EML6: variants seen among roughly 807,000 people sequenced by gnomAD.
The protein encoded by EML6 is echinoderm microtubule-associated protein-like 6.
In EML6, 154 loss-of-function variants were observed where a neutral mutation model predicts 240.1. The observed-to-expected ratio is 0.64, with a 90% CI of 0.56 to 0.73. The LOEUF is 0.73. Among genes scored for constraint, EML6 ranks in the 30% least tolerant of loss-of-function variants. The probability of loss-of-function intolerance (pLI) is 0.00; values close to 1 mark genes in which losing one functional copy is unlikely to be tolerated. For synonymous variants in EML6, 1,148 were observed against 899.0 expected, an observed-to-expected ratio of 1.28 and a Z score of -4.95; for missense variants, 2,964 against 2,474.6, an observed-to-expected ratio of 1.20 and a Z score of -4.20.
At chr2:54,917,358 GTTTT>G (rs147785699) in intron 26 of EML6, among the ~76,000 whole-genome samples, 1 of 123,818 alleles carries the variant, frequency 8.1e-6, no homozygotes, top group Non-Finnish European at 1.6e-5. Context: ...TTTTTTTTTT[GTTTT>G]TTTTTTTTTT....
intron 2 of EML6, among the ~76,000 whole-genome samples, chr2:54,784,002 A>T (rs556023362): frequency 5.4e-4 from 82 of 152,092 alleles, no homozygotes; most frequent in Admixed American, 1.6e-3. Context: ...AGGCTGGAGT[A>T]CAGTCGTGAT....
chr2:54,758,053 A>G (rs1190139170), intron 2 of EML6, among the ~76,000 whole-genome samples: 1 of 152,122 alleles, frequency 6.6e-6, no homozygotes, highest in Non-Finnish European at 1.5e-5. Context: ...TTTGAATGCC[A>G]GTCACCGTAA....
intron 2 of EML6, among the ~76,000 whole-genome samples, chr2:54,764,020 C>A (rs1359592376): frequency 6.6e-6 from 1 of 152,208 alleles, no homozygotes; most frequent in Non-Finnish European, 1.5e-5. Flanking sequence ...GGCCTCTGGC[C>A]TTTTCCCTCG....
chr2:54,784,600 T>A (rs544718928), intron 2 of EML6, among the ~76,000 whole-genome samples: 2 of 152,316 alleles, frequency 1.3e-5, no homozygotes, highest in South Asian at 4.1e-4. Context: ...AAAACTTAAC[T>A]ACTAATAGCA....
At chr2:54,849,320 A>C (rs180958602) in intron 9 of EML6, among the ~76,000 whole-genome samples, 99 of 152,320 alleles carry the variant, frequency 6.5e-4, no homozygotes, top group African/African-American at 2.1e-3. Flanking sequence ...AGATTATTAT[A>C]ACCTATAGTT....
chr2:54,878,905 C>T (rs1417895129), intron 16 of EML6, among the ~76,000 whole-genome samples: 6 of 152,034 alleles, frequency 3.9e-5, no homozygotes, highest in Non-Finnish European at 8.8e-5. Flanking sequence ...AAATGTTAGC[C>T]TAGAAATTGG....
chr2:54,812,196 A>G (rs972521203), intron 2 of EML6, among the ~76,000 whole-genome samples: 7 of 152,162 alleles, frequency 4.6e-5, no homozygotes, highest in Non-Finnish European at 7.4e-5. Context: ...GTATTTTTAG[A>G]TGAGGAAACT....
chr2:54,777,138 G>T (rs1558540428), intron 2 of EML6, among the ~76,000 whole-genome samples: 1 of 152,146 alleles, frequency 6.6e-6, no homozygotes, highest in East Asian at 1.9e-4. Context: ...CTAACCTACT[G>T]ATATTTGACC....
At chr2:54,923,815 A>C (rs1044602336) in intron 26 of EML6, among the ~76,000 whole-genome samples, 4 of 151,856 alleles carry the variant, frequency 2.6e-5, no homozygotes, top group Non-Finnish European at 5.9e-5. Context: ...TCCCTCCCTC[A>C]GCTGAAACAA....
At chr2:54,950,817 C>A (rs1165035596) in intron 30 of EML6, 38 bp downstream of exon 30, 2 of 1,537,294 alleles carry the variant, frequency 1.3e-6, no homozygotes, top group South Asian at 2.4e-5. Context: ...TTTCTTTTAG[C>A]TGTTTTTTAC....
intron 6 of EML6, among the ~76,000 whole-genome samples, 158 bp from the exon 7 acceptor site, chr2:54,829,184 T>C (rs915792917): frequency 4.6e-5 from 7 of 152,232 alleles, no homozygotes; most frequent in African/African-American, 1.4e-4. Flanking sequence ...AACAGTGTTA[T>C]AAATGGCTAC....
chr2:54,809,276 T>C (rs1182356952), intron 2 of EML6, among the ~76,000 whole-genome samples: 1 of 152,188 alleles, frequency 6.6e-6, no homozygotes, highest in Non-Finnish European at 1.5e-5. Context: ...ATAAGTAGTG[T>C]CCATACTTCC....
chr2:54,858,719 AT>A, intron 11 of EML6, among the ~76,000 whole-genome samples: 1 of 152,190 alleles, frequency 6.6e-6, no homozygotes, highest in Non-Finnish European at 1.5e-5. Flanking sequence ...TGTAGCAGTA[AT>A]TTTCACCTTC....
At chr2:54,813,125 C>G (rs376700115) in intron 2 of EML6, 107 bp from the exon 3 acceptor site, 3 of 798,360 alleles carry the variant, frequency 3.8e-6, no homozygotes, top group Non-Finnish European at 5.9e-6. Flanking sequence ...GACTCTTTCT[C>G]TTGAGATCAC....
Position 54,918,372 on chromosome 2 carries a change from A to C in EML6, c.3675+1437A>C, listed in dbSNP as rs1674043986. Among the ~76,000 whole-genome samples, 3 of 152,188 alleles carry C rather than the reference A, an allele frequency of 2.0e-5. No individual in the cohort carries two copies. In the South Asian group the frequency reaches 6.2e-4, roughly 31 times the overall value. Reference sequence around the variant, plus strand: ...TTTAACTAATGAATGAATGAATGACAGGGTTTTGCTGTGTTTCCCAGGCTG... The same window carrying C: ...TTTAACTAATGAATGAATGAATGACCGGGTTTTGCTGTGTTTCCCAGGCTG... On this transcript the variant is annotated intron_variant, in intron 26 of 41. Coordinates refer to ENST00000356458, the MANE Select transcript of EML6 (RefSeq NM_001039753.4).
chr2:54,734,084 A>T (rs1239168701), intron 2 of EML6, among the ~76,000 whole-genome samples: 1 of 152,170 alleles, frequency 6.6e-6, no homozygotes, highest in East Asian at 1.9e-4. Flanking sequence ...CACTTCTGTA[A>T]CCCTAGCACT....
At chr2:54,959,366 A>T in intron 34 of EML6, 105 bp downstream of exon 34, 1 of 1,138,884 alleles carries the variant, frequency 8.8e-7, no homozygotes, top group Non-Finnish European at 1.2e-6. Context: ...TCATCCTCCT[A>T]TCTTTTTTGC....
At chr2:54,946,556 C>G (rs1675702892) in intron 28 of EML6, among the ~76,000 whole-genome samples, 1 of 152,224 alleles carries the variant, frequency 6.6e-6, no homozygotes, top group Non-Finnish European at 1.5e-5. Context: ...CGTGTGAAGT[C>G]TCTGGCAGTC....
intron 17 of EML6, chr2:54,881,282 A>G (rs1671792924): frequency 6.6e-6 from 1 of 152,238 alleles, no homozygotes; most frequent in Non-Finnish European, 1.5e-5. Flanking sequence ...ATACATATTT[A>G]CATAAATACA....
Sources: allele counts gnomAD v4.1 joint callset (sites outside exome capture counted in the v4.1 genomes callset), GRCh38; gene constraint gnomAD v4.1.1; transcripts MANE v1.5; gene names NCBI Gene and HGNC (gene_info 2026-07-23, HGNC 2026-07-21).